Variants in CPS1 observed in about 807,000 individuals in gnomAD.
The protein encoded by CPS1 is carbamoyl-phosphate synthase 1.
Under a neutral mutation model 174.6 loss-of-function variants are expected in CPS1, and 109 were observed. The observed-to-expected ratio is 0.62, with a 90% CI of 0.53 to 0.73. The LOEUF (loss-of-function observed/expected upper bound fraction) is 0.73, where lower values mean the gene tolerates loss of function less well. Among genes scored for constraint, CPS1 ranks in the 30% least tolerant of loss-of-function variants. The pLI, the probability that CPS1 is intolerant of heterozygous loss-of-function variation, is 0.00. For synonymous variants in CPS1, 637 were observed against 632.0 expected (o/e 1.01, Z -0.12); for missense variants, 1,689 against 1,821.9 (o/e 0.93, Z 1.33).
intron 16 of CPS1, among the ~76,000 whole-genome samples, chr2:210,603,030 C>T (rs1386906536): frequency 6.6e-6 from 1 of 151,858 alleles, no homozygotes; most frequent in East Asian, 2.0e-4. Flanking sequence ...GAGACTAATG[C>T]AGAAAATATG....
intron 20 of CPS1, among the ~76,000 whole-genome samples, chr2:210,613,503 T>C (rs1457100427): frequency 6.6e-6 from 1 of 151,840 alleles, no homozygotes; most frequent in African/African-American, 2.4e-5. Flanking sequence ...TTCACCTTCA[T>C]CATTTATTAT....
In CPS1 at chr2:210,612,301, G is replaced by A. The variant is rs765027224; in HGVS notation, c.2568+8G>A. 7.4e-6 allele frequency: 12 copies of A among 1,611,488 alleles called. No individual in the cohort carries two copies. The highest frequency in any genetic ancestry group is 1.0e-5 in the Non-Finnish European group (12 of 1,178,352). ...ATCTATGCCATTGCCAAGGTAAGAT[G>A]TTACAAGGGGCCCACAGCTACTAGT... On this transcript the variant is annotated splice_region_variant and intron_variant, in intron 20 of 37. Coordinates refer to ENST00000233072, the MANE Select transcript of CPS1 (RefSeq NM_001875.5).
intron 1 of CPS1, among the ~76,000 whole-genome samples, chr2:210,563,913 T>G (rs1697193364): frequency 1.3e-5 from 2 of 152,232 alleles, no homozygotes; most frequent in Admixed American, 1.3e-4. Context: ...GTTGCATTAT[T>G]CTGATTCTGG....
intron 1 of CPS1, among the ~76,000 whole-genome samples, chr2:210,547,051 T>C (rs1445844366): frequency 1.3e-5 from 2 of 152,072 alleles, no homozygotes; most frequent in Non-Finnish European, 2.9e-5. Flanking sequence ...GGATGGACTT[T>C]CAGTGTTGAA....
intron 28 of CPS1, 128 bp downstream of exon 28, chr2:210,650,566 A>G (rs560241605): frequency 1.3e-6 from 1 of 759,214 alleles, no homozygotes; most frequent in Admixed American, 2.1e-5. Context: ...CTTTTCACAC[A>G]ATGTGTTAGA....
intron 1 of CPS1, among the ~76,000 whole-genome samples, chr2:210,491,867 ATATCAT>A (rs1464069904): frequency 2.6e-5 from 4 of 152,332 alleles, no homozygotes; most frequent in Non-Finnish European, 4.4e-5. Context: ...AGGAATAGTC[ATATCAT>A]TCTGCTCTCT....
At position 210,650,526 on chromosome 2, in the gene CPS1, C is replaced by A. The variant is rs142956618; in HGVS notation, c.3480+88C>A. 2.4e-3 allele frequency: 2,276 copies of A among 957,504 alleles called. 34 individuals carry two copies. In the African/African-American group the frequency reaches 0.033, roughly 14 times the overall value. 59.3% of individuals were successfully genotyped at this position (957,504 alleles called of 1,614,324 possible). A position where few individuals can be genotyped will look rare whatever the true frequency, so the allele number is the denominator to read the frequency against. On this transcript the variant is annotated intron_variant, in intron 28 of 37. Transcript: ENST00000233072. ...CTTAATAAAATGTAGTGACATTTAT[C>A]TCTTAATGCAACCTTACTTTGTATG...
At chr2:210,520,994 G>T (rs538881893) in intron 1 of CPS1, among the ~76,000 whole-genome samples, 1 of 152,018 alleles carries the variant, frequency 6.6e-6, no homozygotes, top group Non-Finnish European at 1.5e-5. Flanking sequence ...TGCGGTGAGT[G>T]TATGTTAGGC....
intron 1 of CPS1, among the ~76,000 whole-genome samples, chr2:210,566,838 T>C (rs1360462189): frequency 6.6e-6 from 1 of 152,062 alleles, no homozygotes; most frequent in Admixed American, 6.6e-5. Flanking sequence ...TTAACTGTTA[T>C]TAAGGATGTC....
At chr2:210,627,993 T>A (rs1410328487) in intron 21 of CPS1, among the ~76,000 whole-genome samples, 1 of 152,218 alleles carries the variant, frequency 6.6e-6, no homozygotes, top group Non-Finnish European at 1.5e-5. Context: ...CTGATGAGTC[T>A]TTTTCTCAGG....
At chr2:210,661,928 C>T (rs1312297860) in intron 32 of CPS1, among the ~76,000 whole-genome samples, 123 of 106,856 alleles carry the variant, frequency 1.2e-3, no homozygotes, top group African/African-American at 3.6e-3. Flanking sequence ...TTTTTTGAGA[C>T]GGAGTCTTGC....
rs13431322 is a variant in CPS1, at chr2:210,567,981, A to G, written c.127-5317A>G. On this transcript the variant is annotated intron_variant, in intron 1 of 37. Coordinates refer to ENST00000233072, the MANE Select transcript of CPS1 (RefSeq NM_001875.5). ...TAATGAAGTACATTTCTATGCATTC[A>G]CCAACTGTGTAGTGAGAACATTACT... 1.3e-3 allele frequency among the ~76,000 whole-genome samples: 194 copies of G among 152,306 alleles called. 2 individuals are homozygous for G. The highest frequency in any genetic ancestry group is 4.5e-3 in the African/African-American group (189 of 41,578).
chr2:210,497,893 CATATAT>C lies in CPS1; in HGVS notation c.3+20148_3+20153del, dbSNP rs59178446. On this transcript the variant is annotated intron_variant, in intron 1 of 38. Transcript: ENST00000430249. ...TTTTTGGTAGAACAATATATACATA[CATATAT>C]ATATATATATATATATATATCTCCA... Among the ~76,000 whole-genome samples, 133 of 86,944 alleles carry C rather than the reference CATATAT, an allele frequency of 1.5e-3. 5 individuals carry two copies. Among genetic ancestry groups the C allele is most frequent in the African/African-American group, 4.8e-3 (114 of 23,748 alleles). The allele number at this position is 86,944 out of a possible 152,430, so 57.0% of individuals were successfully genotyped here.
rs16844647 is a variant in CPS1 at position 210,595,589 on chromosome 2, G to A, written c.1359+7G>A. The A allele has an allele frequency of 1.5e-3, 2,307 of 1,582,462 alleles. 28 individuals are homozygous for A. In the African/African-American group the frequency reaches 0.028, roughly 19 times the overall value. ...AGCTGTAAAAGCCATGAAGGTGAGAGAATATGATCCTTACTAGAATTAATA... is the reference window on the plus strand; with the variant it reads ...AGCTGTAAAAGCCATGAAGGTGAGAAAATATGATCCTTACTAGAATTAATA... On this transcript the variant is annotated splice_region_variant and intron_variant, in intron 13 of 37. Transcript: ENST00000233072.
At chr2:210,675,347 A>G (rs1342488379) in intron 35 of CPS1, among the ~76,000 whole-genome samples, 3 of 152,230 alleles carry the variant, frequency 2.0e-5, no homozygotes, top group Admixed American at 6.5e-5. Context: ...TGAGTAAAAC[A>G]AAATTATTCC....
In CPS1 at chr2:210,590,855, T is replaced by G; in HGVS notation, c.896T>G (p.Ile299Arg). Residue 299 changes from isoleucine (I) to arginine (R), a missense_variant, in exon 9 of 38, where the codon ATA (isoleucine) becomes AGA (arginine). Ile to Arg is a moderately conservative substitution (Grantham distance 97). Transcript: ENST00000233072. ...PLFGISTGNL[I>R]TGLAAGAKTY... ...TTTGGAATCAGTACAGGAAACTTAA[T>G]AACAGGATTGGCTGCTGGTGCCAAA... 1 of 1,611,320 alleles carries G rather than the reference T, an allele frequency of 6.2e-7. No homozygotes were observed. Among genetic ancestry groups the G allele is most frequent in the Non-Finnish European group, 8.5e-7 (1 of 1,178,210 alleles).
At chr2:210,575,205 T>G (rs1001264980) in intron 2 of CPS1, among the ~76,000 whole-genome samples, 1 of 152,004 alleles carries the variant, frequency 6.6e-6, no homozygotes, top group Non-Finnish European at 1.5e-5. Flanking sequence ...CTGGTAGGCG[T>G]TAGTCTGGAT....
intron 21 of CPS1, among the ~76,000 whole-genome samples, chr2:210,621,588 T>A (rs1574605026): frequency 6.6e-6 from 1 of 152,106 alleles, no homozygotes; most frequent in Admixed American, 6.6e-5. Flanking sequence ...CTTACTCCGA[T>A]CTGTAAGAAA....
intron 1 of CPS1, among the ~76,000 whole-genome samples, chr2:210,497,235 A>G (rs180953042): frequency 2.4e-4 from 37 of 152,324 alleles, no homozygotes; most frequent in Admixed American, 2.1e-3. Flanking sequence ...CATGTCATAA[A>G]GAAGAATTTA....
Sources: gnomAD v4.1 joint callset for allele counts (sites outside exome capture counted in the v4.1 genomes callset) on GRCh38, gnomAD v4.1.1 for gene constraint, MANE v1.5 for transcripts, NCBI Gene and HGNC (gene_info 2026-07-23, HGNC 2026-07-21) for gene names.